Variants in DIS3 observed in about 807,000 individuals in gnomAD.
DIS3 encodes DIS3 exosome endoribonuclease and 3'-5' exoribonuclease.
A neutral mutation model predicts 113.0 loss-of-function variants in DIS3; 103 were observed. That is an observed-to-expected ratio of 0.91 (90% confidence interval 0.78 to 1.07). The LOEUF (loss-of-function observed/expected upper bound fraction) is 1.07, where lower values mean the gene tolerates loss of function less well. DIS3 is among the 50% of genes least tolerant of loss of function. The pLI is 0.00. For missense variants in DIS3, 1,121 were observed against 1,167.1 expected (o/e 0.96, Z 0.58); for synonymous variants, 402 against 394.3 (o/e 1.02, Z -0.23).
rs1260815144 is a variant in DIS3, at chr13:72,781,874, C to T, written c.-42G>A. 2.0e-6 allele frequency: 3 copies of T among 1,485,118 alleles called. No homozygotes were observed. Among genetic ancestry groups the T allele is most frequent in the Non-Finnish European group, 2.7e-6 (3 of 1,108,502 alleles). 92.0% of individuals were successfully genotyped at this position (1,485,118 alleles called of 1,614,324 possible). A position where few individuals can be genotyped will look rare whatever the true frequency, so the allele number is the denominator to read the frequency against. The stretch of plus-strand genomic sequence containing the variant: ...GAATCCTAACCCCAGCAGCGCTCTT[C>T]CAGCAAAAGGCGTCAATCTAGAATA... On this transcript the variant is annotated 5_prime_UTR_variant, in exon 1 of 21. Transcript: ENST00000377767.
At chr13:72,774,192 T>C in intron 6 of DIS3, 133 bp from the exon 7 acceptor site, 1 of 557,612 alleles carries the variant, frequency 1.8e-6, no homozygotes, top group Non-Finnish European at 3.1e-6. Context: ...CTACAGAATG[T>C]TGATGTTTCA....
At chr13:72,761,320 A>G in intron 19 of DIS3, 43 bp downstream of exon 19, 1 of 1,562,714 alleles carries the variant, frequency 6.4e-7, no homozygotes, top group Non-Finnish European at 8.6e-7. Flanking sequence ...CTCAAAGAAA[A>G]AGTGCCCCCC....
Position 72,771,112 on chromosome 13 carries a change from T to TAGAG in DIS3, c.1635_1638dup (p.Asn547LeufsTer2). 6.2e-7 allele frequency: 1 copy of TAGAG among 1,613,712 alleles called. No individual in the cohort carries two copies. The highest frequency in any genetic ancestry group is 2.2e-5 in the East Asian group (1 of 44,794). On this transcript the variant is annotated frameshift_variant, in exon 12 of 21. Transcript: ENST00000377767. LOFTEE classifies it high-confidence loss of function. ...ACGTCACATTTTAAGGAACACAAGT[T>TAGAG]AGAGCTAAGCAACTCTGGAACCATG...
At chr13:72,781,497 C>A in intron 1 of DIS3, 108 bp downstream of exon 1, 1 of 1,431,986 alleles carries the variant, frequency 7.0e-7, no homozygotes, top group South Asian at 1.5e-5. Context: ...TTCCCTTTCG[C>A]TAGGTATGTG....
rs961598219 is a variant in DIS3, at chr13:72,760,588, T to C, written c.2734A>G (p.Met912Val). ...TGTTGAAGATTAGATGAGTCTAACA[T>C]GATTTTCACTTTAACTTTATCAAAT... ...HVFDKVKVKI[M>V]LDSSNLQHQK... is the part of the protein sequence containing the mutation. The change falls in exon 20 of 21, where the codon ATG becomes GTG. Residue 912 changes from methionine (M) to valine (V), a missense_variant. Met to Val is a conservative substitution (Grantham distance 21). This residue lies in a region of DIS3 where 861 missense variants were observed against 915.5 expected (regional missense o/e 0.94). Transcript: ENST00000377767. 3.1e-6 allele frequency: 5 copies of C among 1,613,614 alleles called. No homozygotes were observed. The highest frequency in any genetic ancestry group is 3.4e-6 in the Non-Finnish European group (4 of 1,179,644).
intron 3 of DIS3, 33 bp from the exon 4 acceptor site, chr13:72,777,526 G>C: frequency 6.3e-7 from 1 of 1,593,518 alleles, no homozygotes; most frequent in Non-Finnish European, 8.6e-7. Flanking sequence ...TTTTTGATAA[G>C]TGTTTTTTCC....
rs2034041309 is a variant in DIS3, at chr13:72,777,403, A to G, written c.654+17T>C. The G allele has an allele frequency of 6.2e-7, 1 of 1,613,120 alleles. No individual in the cohort carries two copies. The highest frequency in any genetic ancestry group is 8.5e-7 in the Non-Finnish European group (1 of 1,179,468). On this transcript the variant is annotated intron_variant, in intron 4 of 20. Transcript: ENST00000377767. Reference sequence around the variant, plus strand: ...ATTTTAATATTTTTACTTTTCAAAAACAAAACAAAAACATACCCCTTCTTC... The same window carrying G: ...ATTTTAATATTTTTACTTTTCAAAAGCAAAACAAAAACATACCCCTTCTTC...
chr13:72,775,264 C>T lies in DIS3; in HGVS notation c.934G>A (p.Asp312Asn). The T allele has an allele frequency of 6.2e-7, 1 of 1,613,552 alleles. No homozygotes were observed. The highest frequency in any genetic ancestry group is 8.5e-7 in the Non-Finnish European group (1 of 1,179,674). The change falls in exon 6 of 21, where the codon GAT becomes AAT. Residue 312 changes from aspartate to asparagine, a missense_variant. Asp to Asn is a conservative substitution (Grantham distance 23). This residue lies in a region of DIS3 where 861 missense variants were observed against 915.5 expected (regional missense o/e 0.94). Transcript: ENST00000377767. Reference protein sequence around the residue: ...WVAPSSVVLHDEGQNEEDVEK... With the variant: ...WVAPSSVVLHNEGQNEEDVEK... ...ACATCTTCTTCATTTTGACCTTCAT[C>T]ATGTAAAACCACAGAAGATGGTGCT...
intron 16 of DIS3, among the ~76,000 whole-genome samples, chr13:72,762,448 C>T (rs2033649577): frequency 6.6e-6 from 1 of 152,176 alleles, no homozygotes; most frequent in South Asian, 2.1e-4. Context: ...CAGATTAAGG[C>T]TTGGAGCAGA....
intron 15 of DIS3, 54 bp from the exon 16 acceptor site, chr13:72,763,661 A>G (rs1425195572): frequency 2.6e-6 from 4 of 1,519,492 alleles, no homozygotes; most frequent in East Asian, 2.3e-5. Context: ...AGACTTCTAT[A>G]TATCATATTT....
intron 4 of DIS3, among the ~76,000 whole-genome samples, chr13:72,776,708 A>G (rs1272045535): frequency 6.6e-6 from 1 of 152,212 alleles, no homozygotes; most frequent in Non-Finnish European, 1.5e-5. Flanking sequence ...GCTAAACATT[A>G]TATATTTATA....
intron 5 of DIS3, 144 bp downstream of exon 5, chr13:72,775,781 A>C: frequency 6.2e-6 from 2 of 320,284 alleles, no homozygotes; most frequent in Non-Finnish European, 1.0e-5. Context: ...TGAGCACTGC[A>C]AAAAAAAAAA....
intron 8 of DIS3, 134 bp downstream of exon 8, chr13:72,773,550 G>T: frequency 1.1e-6 from 1 of 937,872 alleles, no homozygotes; most frequent in Admixed American, 3.0e-5. Context: ...CTACTTACCA[G>T]GTCACTTTGT....
rs1446139657 is a variant in DIS3 at position 72,752,918 on chromosome 13, T to C, written c.*6877A>G. ...CCTTGTGGATTGCTTTCTTTGGTGCTCAGCATTATACAGGTAAATGGAGCG... is the reference window on the plus strand; with the variant it reads ...CCTTGTGGATTGCTTTCTTTGGTGCCCAGCATTATACAGGTAAATGGAGCG... On this transcript the variant is annotated 3_prime_UTR_variant, in exon 21 of 21. Transcript: ENST00000377767. 1 of 152,226 alleles carries C rather than the reference T, an allele frequency of 6.6e-6. No homozygotes were observed. Among genetic ancestry groups the C allele is most frequent in the Admixed American group, 6.5e-5 (1 of 15,274 alleles). 9.4% of individuals were successfully genotyped at this position (152,226 alleles called of 1,614,324 possible).
rs555919533 is a variant in DIS3, at chr13:72,763,349, TAACA to T, written c.2127+98_2127+101del. 218 of 1,363,428 alleles carry T rather than the reference TAACA, an allele frequency of 1.6e-4. No homozygotes were observed. The African/African-American group carries it at 3.1e-3, about 19-fold the overall frequency. The allele number at this position is 1,363,428 out of a possible 1,614,324, so 84.5% of individuals were successfully genotyped here. A position where few individuals can be genotyped will look rare whatever the true frequency, so the allele number is the denominator to read the frequency against. On this transcript the variant is annotated intron_variant, in intron 16 of 20. Transcript: ENST00000377767. ...AAGAACTATTGGCATATTCTTGTATTAACAAACAATAAAACCTTTATGGAAATAT... is the reference window on the plus strand; with the variant it reads ...AAGAACTATTGGCATATTCTTGTATTAACAATAAAACCTTTATGGAAATAT...
In DIS3 at chr13:72,756,678, A is replaced by G. The variant is rs373448266; in HGVS notation, c.*3117T>C. The stretch of plus-strand genomic sequence containing the variant: ...CGGTTTCCTCCATGCTGTTCCTGTG[A>G]TAGTGAGCCGGTCTCATGAGATCTG... On this transcript the variant is annotated 3_prime_UTR_variant, in exon 21 of 21. Transcript: ENST00000377767. 6 of 152,244 alleles carry G rather than the reference A, an allele frequency of 3.9e-5. No homozygotes were observed. The highest frequency in any genetic ancestry group is 1.4e-4 in the African/African-American group (6 of 41,532). The allele number at this position is 152,244 out of a possible 1,614,324, so 9.4% of individuals were successfully genotyped here.
Position 72,761,488 on chromosome 13 carries a change from C to T in DIS3, c.2545G>A (p.Glu849Lys), listed in dbSNP as rs2033621396. 1.2e-6 allele frequency: 2 copies of T among 1,602,778 alleles called. No homozygotes were observed. Among genetic ancestry groups the T allele is most frequent in the Admixed American group, 3.5e-5 (2 of 57,258 alleles). Residue 849 changes from glutamate to lysine, a missense_variant, in exon 19 of 21, where the codon GAA becomes AAA. Physicochemically the swap from Glu to Lys is moderately conservative, Grantham distance 56. Coordinates refer to ENST00000377767, the MANE Select transcript of DIS3 (RefSeq NM_014953.5). The part of the protein sequence containing the change: ...FFKSKGIVSE[E>K]AYILFVRKNA... ...TTTCTTACAAATAAAATATAGGCTT[C>T]TTCACTTACTATTCCTTTGCTTTTG...
intron 1 of DIS3, chr13:72,781,357 C>G: frequency 6.4e-7 from 1 of 1,551,286 alleles, no homozygotes; most frequent in Non-Finnish European, 8.7e-7. Context: ...CACTTACAAT[C>G]TAAGGCAGAA....
intron 14 of DIS3, among the ~76,000 whole-genome samples, chr13:72,768,119 A>C (rs1373228121): frequency 6.6e-6 from 1 of 152,166 alleles, no homozygotes; most frequent in African/African-American, 2.4e-5. Context: ...AATCTCCAAA[A>C]TTTAAAGTGC....
Sources: allele counts gnomAD v4.1 joint callset (sites outside exome capture counted in the v4.1 genomes callset), GRCh38; gene constraint gnomAD v4.1.1; regional missense constraint gnomAD v4.1.1; transcripts MANE v1.5; gene names NCBI Gene and HGNC (gene_info 2026-07-23, HGNC 2026-07-21).